Variants in GARIN1B observed in about 807,000 individuals in gnomAD.
The protein encoded by GARIN1B is golgi associated RAB2 interactor 1B, also known as Golgi-associated RAB2 interactor protein 1B.
chr7:128,731,235 G>C, the GARIN1B span: 1 of 952,142 alleles, frequency 1.1e-6, no homozygotes, highest in Middle Eastern at 2.1e-4. Context: ...GAAGAATAGA[G>C]TCATCTCACG....
chr7:128,723,736 T>C, the GARIN1B span, among the ~76,000 whole-genome samples: 3 of 151,782 alleles, frequency 2.0e-5, no homozygotes, highest in African/African-American at 7.3e-5. Flanking sequence ...GGTCTGGAAC[T>C]CCTGACCTCA....
At chr7:128,723,475 G>T in the GARIN1B span, 1 of 786,334 alleles carries the variant, frequency 1.3e-6, no homozygotes. Flanking sequence ...CACTTTGGGA[G>T]GTCAAGGCAG....
chr7:128,729,973 G>T, the GARIN1B span: 1 of 1,614,132 alleles, frequency 6.2e-7, no homozygotes. Context: ...ATTCACGTAC[G>T]GAGAGTGGGA....
chr7:128,722,653 A>T, the GARIN1B span, among the ~76,000 whole-genome samples: 1,092 of 152,138 alleles, frequency 7.2e-3, 8 homozygotes, highest in Non-Finnish European at 0.012. Context: ...AAAATACAAA[A>T]ATTAGCTAGG....
the GARIN1B span, among the ~76,000 whole-genome samples, chr7:128,730,886 T>G: frequency 1.3e-5 from 2 of 152,068 alleles, no homozygotes; most frequent in African/African-American, 4.8e-5. Context: ...ACCTCAGAAC[T>G]CTCAACCTCA....
chr7:128,719,697 C>CTTTTTTTTTTT, the GARIN1B span, among the ~76,000 whole-genome samples: 1 of 99,022 alleles, frequency 1.0e-5, no homozygotes, highest in Non-Finnish European at 1.9e-5. Flanking sequence ...TTTTGTTTTG[C>CTTTTTTTTTTT]TTTTTTTTTT....
the GARIN1B span, among the ~76,000 whole-genome samples, chr7:128,726,067 T>C: frequency 1.3e-5 from 2 of 152,006 alleles, no homozygotes; most frequent in African/African-American, 4.8e-5. Flanking sequence ...AAGCGGGTAG[T>C]GGTGGAAGAG....
At chr7:128,721,632 A>C in the GARIN1B span, among the ~76,000 whole-genome samples, 3 of 152,218 alleles carry the variant, frequency 2.0e-5, no homozygotes, top group South Asian at 6.2e-4. Flanking sequence ...CATGTTTAAT[A>C]GAAGAGGCAA....
At chr7:128,715,203 G>A in the GARIN1B span, 5 of 975,744 alleles carry the variant, frequency 5.1e-6, no homozygotes, top group African/African-American at 7.0e-5. Context: ...TATGTCCTGG[G>A]GTTCCGAAAA....
the GARIN1B span, chr7:128,717,063 T>TG: frequency 6.3e-6 from 9 of 1,428,246 alleles, no homozygotes; most frequent in Non-Finnish European, 7.6e-6. Flanking sequence ...GGAGGTTGCT[T>TG]GACTACTAAA....
At chr7:128,722,803 C>CAA in the GARIN1B span, among the ~76,000 whole-genome samples, 1 of 144,144 alleles carries the variant, frequency 6.9e-6, no homozygotes, top group Non-Finnish European at 1.5e-5. Flanking sequence ...GACTCTGCCT[C>CAA]AAAAAAAAAA....
the GARIN1B span, among the ~76,000 whole-genome samples, chr7:128,727,607 A>C: frequency 6.6e-6 from 1 of 152,082 alleles, no homozygotes; most frequent in Non-Finnish European, 1.5e-5. Flanking sequence ...GGCCCTGCAC[A>C]ATCTTCCCCC....
chr7:128,726,893 C>A, the GARIN1B span: 8 of 1,610,396 alleles, frequency 5.0e-6, no homozygotes, highest in African/African-American at 1.1e-4. Flanking sequence ...CACAGGGTAC[C>A]ATGCCTCAAA....
the GARIN1B span, chr7:128,731,428 T>C: frequency 2.2e-6 from 1 of 456,924 alleles, no homozygotes; most frequent in Non-Finnish European, 4.0e-6. Flanking sequence ...GGAAGCAAAA[T>C]GGAGGTGATG....
At chr7:128,725,592 A>G in the GARIN1B span, among the ~76,000 whole-genome samples, 1 of 152,106 alleles carries the variant, frequency 6.6e-6, no homozygotes, top group Non-Finnish European at 1.5e-5. Context: ...GGCTGGTCTC[A>G]AACTCCTGGC....
the GARIN1B span, chr7:128,723,553 CTTTT>C: frequency 1.4e-4 from 22 of 161,128 alleles, no homozygotes; most frequent in Non-Finnish European, 2.1e-4. Flanking sequence ...ACTATCCAGT[CTTTT>C]TTTTTTTTTT....
At chr7:128,726,467 G>C in the GARIN1B span, among the ~76,000 whole-genome samples, 1 of 152,188 alleles carries the variant, frequency 6.6e-6, no homozygotes, top group Non-Finnish European at 1.5e-5. Flanking sequence ...TTCTAGTCTG[G>C]TTGCAATTAT....
At chr7:128,723,199 A>C in the GARIN1B span, 1 of 1,609,732 alleles carries the variant, frequency 6.2e-7, no homozygotes, top group Non-Finnish European at 8.5e-7. Flanking sequence ...TCATATAGTT[A>C]GTACAGAAGA....
chr7:128,726,854 C>A, the GARIN1B span: 1 of 1,613,890 alleles, frequency 6.2e-7, no homozygotes, highest in African/African-American at 1.3e-5. Flanking sequence ...AAGGTGGAGA[C>A]CAACAAGAAC....
Sources: allele counts gnomAD v4.1 joint callset (sites outside exome capture counted in the v4.1 genomes callset), GRCh38; gene constraint gnomAD v4.1.1; transcripts MANE v1.5; gene names NCBI Gene and HGNC (gene_info 2026-07-23, HGNC 2026-07-21).